IRF2: variants seen among roughly 807,000 people sequenced by gnomAD.
IRF2 encodes the protein interferon regulatory factor 2.
In IRF2, 15 loss-of-function variants were observed where a neutral mutation model predicts 40.6. The ratio of observed to expected loss-of-function variants is 0.37; its 90% confidence interval spans 0.25 to 0.57. The LOEUF is 0.57. Ranked by LOEUF, IRF2 falls within the 20% of genes least tolerant of loss-of-function variation. The pLI is 0.77. For synonymous variants in IRF2, 151 were observed against 165.5 expected (o/e 0.91, Z 0.67); for missense variants, 317 against 455.7 (o/e 0.70, Z 2.77).
intron 2 of IRF2, among the ~76,000 whole-genome samples, chr4:184,422,643 T>C (rs932221368): frequency 6.6e-6 from 1 of 152,166 alleles, no homozygotes; most frequent in African/African-American, 2.4e-5. Flanking sequence ...TGGACGAACC[T>C]TGAAAACATT....
intron 1 of IRF2, chr4:184,472,572 T>G (rs546817301): frequency 6.6e-6 from 1 of 152,090 alleles, no homozygotes; most frequent in African/African-American, 2.4e-5. Flanking sequence ...AGGAGGCCGG[T>G]GGCTGAAGAC....
At chr4:184,460,661 ACG>A (rs1376413591) in intron 1 of IRF2, among the ~76,000 whole-genome samples, 2 of 87,512 alleles carry the variant, frequency 2.3e-5, no homozygotes, top group South Asian at 4.2e-4. Flanking sequence ...ACACACATGC[ACG>A]CGCACACACA....
At chr4:184,421,419 G>A (rs1737478479) in intron 2 of IRF2, among the ~76,000 whole-genome samples, 1 of 152,100 alleles carries the variant, frequency 6.6e-6, no homozygotes, top group Non-Finnish European at 1.5e-5. Flanking sequence ...GATCAGAAAG[G>A]GGCTGAGTGA....
At chr4:184,468,949 G>A (rs1029651766) in intron 1 of IRF2, among the ~76,000 whole-genome samples, 4 of 152,110 alleles carry the variant, frequency 2.6e-5, no homozygotes, top group East Asian at 1.9e-4. Context: ...TCCAAAGGAG[G>A]AAGTGATTGG....
At chr4:184,430,475 A>T (rs1737836695) in intron 1 of IRF2, among the ~76,000 whole-genome samples, 1 of 151,950 alleles carries the variant, frequency 6.6e-6, no homozygotes, top group Non-Finnish European at 1.5e-5. Context: ...CTCCTCCACA[A>T]GGGCTTCCCA....
chr4:184,422,771 C>CA (rs1737528117), intron 2 of IRF2, among the ~76,000 whole-genome samples: 1 of 152,110 alleles, frequency 6.6e-6, no homozygotes, highest in African/African-American at 2.4e-5. Flanking sequence ...TCCATAGAGA[C>CA]AGAGAGCAGA....
chr4:184,427,696 A>G (rs923837570), intron 2 of IRF2, among the ~76,000 whole-genome samples: 3 of 152,192 alleles, frequency 2.0e-5, no homozygotes, highest in African/African-American at 7.2e-5. Context: ...AATAGTAAAA[A>G]GAAATAAGAT....
chr4:184,428,353 A>G (rs1303284350), intron 2 of IRF2, among the ~76,000 whole-genome samples: 1 of 152,256 alleles, frequency 6.6e-6, no homozygotes, highest in African/African-American at 2.4e-5. Context: ...AGCAAAAAAA[A>G]GGAATTTGGA....
intron 5 of IRF2, 28 bp downstream of exon 5, chr4:184,418,139 G>C (rs771653689): frequency 6.3e-7 from 1 of 1,591,076 alleles, no homozygotes; most frequent in Admixed American, 1.7e-5. Flanking sequence ...CCCAACTTTG[G>C]CTTTCTCTCT....
At chr4:184,393,812 C>G (rs1461810812) in intron 7 of IRF2, among the ~76,000 whole-genome samples, 2 of 152,106 alleles carry the variant, frequency 1.3e-5, no homozygotes, top group African/African-American at 2.4e-5. Context: ...GAACCTCCCC[C>G]TGAGGGGAGC....
intron 6 of IRF2, among the ~76,000 whole-genome samples, chr4:184,400,266 C>T (rs996350801): frequency 1.3e-5 from 2 of 152,180 alleles, no homozygotes; most frequent in African/African-American, 4.8e-5. Flanking sequence ...ATCTGTTCCC[C>T]ATTTCATTAA....
chr4:184,390,117 A>G (rs1736201773), intron 8 of IRF2, among the ~76,000 whole-genome samples: 1 of 151,952 alleles, frequency 6.6e-6, no homozygotes, highest in Non-Finnish European at 1.5e-5. Flanking sequence ...TCTCTCTCTC[A>G]TTCACTCAAG....
chr4:184,465,321 C>T (rs1039202383), intron 1 of IRF2, among the ~76,000 whole-genome samples: 2 of 152,224 alleles, frequency 1.3e-5, no homozygotes, highest in African/African-American at 4.8e-5. Flanking sequence ...CATGCACAGC[C>T]TCCTCCTCGG....
intron 2 of IRF2, among the ~76,000 whole-genome samples, chr4:184,420,602 C>G (rs1319160270): frequency 2.0e-5 from 3 of 152,158 alleles, no homozygotes; most frequent in African/African-American, 7.2e-5. Flanking sequence ...CCCTGAAAAA[C>G]ACATGATTGG....
chr4:184,438,405 G>A (rs1196519819), intron 1 of IRF2, among the ~76,000 whole-genome samples: 3 of 152,192 alleles, frequency 2.0e-5, no homozygotes, highest in Non-Finnish European at 4.4e-5. Flanking sequence ...ATGATAGAAT[G>A]GAAAATGAGG....
intron 5 of IRF2, among the ~76,000 whole-genome samples, chr4:184,416,755 T>C (rs915936233): frequency 6.6e-6 from 1 of 152,064 alleles, no homozygotes; most frequent in African/African-American, 2.4e-5. Context: ...CTATAAAAAA[T>C]TGTTTTGGGG....
chr4:184,393,536 T>C (rs1379879726), intron 7 of IRF2, among the ~76,000 whole-genome samples: 1 of 152,184 alleles, frequency 6.6e-6, no homozygotes, highest in Non-Finnish European at 1.5e-5. Context: ...GGCTCCCGGG[T>C]AAGACCTTGC....
At position 184,388,986 on chromosome 4, in the gene IRF2, C is replaced by T; in HGVS notation, c.822G>A (p.Leu274=). ...SNMGTRGSYL[L]PGMASFVTSN... The stretch of plus-strand genomic sequence containing the variant: ...AAGTGACGAAGGACGCCATGCCGGG[C>T]AGCAGGTAGGAGCCTCGAGTCCCCA... Residue 274 remains leucine (L), a synonymous_variant, in exon 9 of 9, where the codon CTG becomes CTA. Coordinates refer to ENST00000393593, the MANE Select transcript of IRF2 (RefSeq NM_002199.4). The surrounding 1 kb of genome is among the most constrained non-coding windows in gnomAD (Gnocchi z 4.6). 6.2e-7 allele frequency: 1 copy of T among 1,614,218 alleles called. No individual in the cohort carries two copies. The highest frequency in any genetic ancestry group is 8.5e-7 in the Non-Finnish European group (1 of 1,180,034).
At chr4:184,416,247 G>A (rs983141853) in intron 5 of IRF2, among the ~76,000 whole-genome samples, 10 of 150,894 alleles carry the variant, frequency 6.6e-5, no homozygotes, top group African/African-American at 2.2e-4. Flanking sequence ...GAGCCCGGGA[G>A]GTTGGGGCTG....
Sources: gnomAD v4.1 joint callset for allele counts (sites outside exome capture counted in the v4.1 genomes callset) on GRCh38, gnomAD v4.1.1 for gene constraint, Gnocchi (gnomAD v3.1) non-coding constraint, MANE v1.5 for transcripts, NCBI Gene and HGNC (gene_info 2026-07-23, HGNC 2026-07-21) for gene names.